The following ADGRA2 variants were observed in gnomAD, a reference collection of about 807,000 sequenced individuals.
ADGRA2 encodes G-protein coupled receptor 124.
Under a neutral mutation model 98.7 loss-of-function variants are expected in ADGRA2, and 61 were observed. The ratio of observed to expected loss-of-function variants is 0.62; its 90% CI spans 0.50 to 0.76. The LOEUF is 0.76. Among genes scored for constraint, ADGRA2 ranks in the 30% least tolerant of loss-of-function variants. ADGRA2 has a pLI of 0.00. For synonymous variants in ADGRA2, 858 were observed against 831.5 expected (o/e 1.03, Z -0.55); for missense variants, 1,712 against 1,860.0 (o/e 0.92, Z 1.46).
At chr8:37,836,847 G>A (rs527976443) in intron 13 of ADGRA2, among the ~76,000 whole-genome samples, 6 of 152,284 alleles carry the variant, frequency 3.9e-5, no homozygotes, top group Non-Finnish European at 8.8e-5. Flanking sequence ...CCACCCCACC[G>A]TGGGTTCCAT....
At chr8:37,811,474 C>CT (rs34759771) in intron 1 of ADGRA2, among the ~76,000 whole-genome samples, 8,177 of 112,160 alleles carry the variant, frequency 0.073, 425 homozygotes, top group Non-Finnish European at 0.11. Context: ...ACCCAGCCAA[C>CT]TTTTTTTTTT....
In ADGRA2 at chr8:37,839,102, G is replaced by A. The variant is rs754713748; in HGVS notation, c.2387+19G>A. On this transcript the variant is annotated intron_variant, in intron 15 of 18. Coordinates refer to ENST00000412232, the MANE Select transcript of ADGRA2 (RefSeq NM_032777.10). Reference sequence around the variant, plus strand: ...ACCACAGGTGGGTGCTCCTGCAGGAGGGAGGGCGTGGTGGGCAGGCATGGA... The same window carrying A: ...ACCACAGGTGGGTGCTCCTGCAGGAAGGAGGGCGTGGTGGGCAGGCATGGA... 5 of 1,606,568 alleles carry A rather than the reference G, an allele frequency of 3.1e-6. No individual in the cohort carries two copies. The highest frequency in any genetic ancestry group is 4.2e-6 in the Non-Finnish European group (5 of 1,176,482).
rs1805908465 is a variant in ADGRA2 at position 37,844,377 on chromosome 8, C to T, written c.*2022C>T. 1.1e-5 allele frequency: 15 copies of T among 1,411,350 alleles called. No individual in the cohort carries two copies. Among genetic ancestry groups the T allele is most frequent in the Non-Finnish European group, 1.4e-5 (14 of 1,032,974 alleles). 87.4% of individuals were successfully genotyped at this position (1,411,350 alleles called of 1,614,324 possible). On this transcript the variant is annotated 3_prime_UTR_variant, in exon 19 of 19. Coordinates refer to ENST00000412232, the MANE Select transcript of ADGRA2 (RefSeq NM_032777.10). ...ACTAATGGCAGAGCCCCTCTTGGTT[C>T]CTTCAAACAAGAAAAGCAATACCTA...
intron 1 of ADGRA2, among the ~76,000 whole-genome samples, chr8:37,813,911 C>CT (rs1477393928): frequency 6.6e-6 from 1 of 152,218 alleles, no homozygotes; most frequent in East Asian, 1.9e-4. Flanking sequence ...TTCCCCCTCC[C>CT]TTCCAGTCCA....
intron 2 of ADGRA2, among the ~76,000 whole-genome samples, chr8:37,816,927 AACACACAC>A (rs3050620): frequency 5.4e-3 from 715 of 131,980 alleles, no homozygotes; most frequent in African/African-American, 9.0e-3. Flanking sequence ...AAGAAAGCAA[AACACACAC>A]ACACACACAC....
chr8:37,839,382 C>T, intron 15 of ADGRA2, 117 bp from the exon 16 acceptor site: 1 of 1,508,272 alleles, frequency 6.6e-7, no homozygotes, highest in Non-Finnish European at 8.9e-7. Flanking sequence ...GTCACATTCC[C>T]AACCATTCAC....
rs1805746721 is a variant in ADGRA2 at position 37,840,171 on chromosome 8, C to T, written c.2562C>T (p.Gly854=). 5 of 1,611,052 alleles carry T rather than the reference C, an allele frequency of 3.1e-6. No homozygotes were observed. Among genetic ancestry groups the T allele is most frequent in the East Asian group, 2.2e-5 (1 of 44,874 alleles). ...CCCTATCCACGCTGCTCTGGATGGG[C>T]GTGAAGGCGCGAGTGCTCCATAAGG... ...YSSLSTLLWM[G]VKARVLHKEL... Residue 854 remains glycine, a synonymous_variant, in exon 17 of 19, where the codon GGC becomes GGT. Coordinates refer to ENST00000412232, the MANE Select transcript of ADGRA2 (RefSeq NM_032777.10).
rs377296938 is a variant in ADGRA2 at position 37,833,638 on chromosome 8, G to T, written c.1297-50G>T. The T allele has an allele frequency of 1.9e-5, 30 of 1,599,066 alleles. No individual in the cohort carries two copies. In the African/African-American group the frequency reaches 3.5e-4, roughly 19 times the overall value. ...GCAGAGGGTCCCCAGGGGCAGTTCG[G>T]GGGCAGAAGGAACAGGCGAGATGAT... On this transcript the variant is annotated intron_variant, in intron 9 of 18. Transcript: ENST00000412232.
At chr8:37,816,926 A>AC (rs1431887391) in intron 2 of ADGRA2, among the ~76,000 whole-genome samples, 18 of 127,468 alleles carry the variant, frequency 1.4e-4, no homozygotes, top group African/African-American at 5.5e-4. Flanking sequence ...AAAGAAAGCA[A>AC]AACACACACA....
At position 37,840,856 on chromosome 8, in the gene ADGRA2, A is replaced by ACGCCC; in HGVS notation, c.2747+8_2747+9insGCCCC. 6.7e-7 allele frequency: 1 copy of ACGCCC among 1,483,342 alleles called. No homozygotes were observed. The highest frequency in any genetic ancestry group is 1.4e-5 in the African/African-American group (1 of 71,386). 91.9% of individuals were successfully genotyped at this position (1,483,342 alleles called of 1,614,324 possible). The stretch of plus-strand genomic sequence containing the variant: ...ACCGGGACCACAGCCCCTAGTGAGC[A>ACGCCC]CCCCTCCCTCCCGCCCCAAGCCTAC... On this transcript the variant is annotated splice_region_variant and intron_variant, in intron 18 of 18. Transcript: ENST00000412232.
At chr8:37,827,346 G>A (rs1386771691) in intron 2 of ADGRA2, among the ~76,000 whole-genome samples, 3 of 152,248 alleles carry the variant, frequency 2.0e-5, no homozygotes, top group Non-Finnish European at 4.4e-5. Context: ...CCTGCCCCAA[G>A]AGCCCAGGGG....
In ADGRA2 at chr8:37,839,017, A is replaced by G; in HGVS notation, c.2321A>G (p.Tyr774Cys). 6.2e-7 allele frequency: 1 copy of G among 1,602,440 alleles called. No individual in the cohort carries two copies. The highest frequency in any genetic ancestry group is 8.5e-7 in the Non-Finnish European group (1 of 1,174,118). The change falls in exon 15 of 19, where the codon TAC (tyrosine) becomes TGC (cysteine). Residue 774 changes from tyrosine to cysteine, a missense_variant. Coordinates refer to ENST00000412232, the MANE Select transcript of ADGRA2 (RefSeq NM_032777.10). ...GAGAGLHPVV[Y>C]PCTALLLLCL... ...GGGGCAGGGCTGCACCCCGTGGTAT[A>G]CCCCTGCACGGCCTTGCTGCTGCTC...
chr8:37,825,064 G>C (rs1805229480), intron 2 of ADGRA2, among the ~76,000 whole-genome samples: 3 of 152,284 alleles, frequency 2.0e-5, no homozygotes, highest in South Asian at 2.1e-4. Context: ...GATACAGGGA[G>C]GGGGTGGCCT....
chr8:37,828,417 G>C (rs1405454357), intron 2 of ADGRA2, among the ~76,000 whole-genome samples: 2 of 150,220 alleles, frequency 1.3e-5, no homozygotes, highest in African/African-American at 2.4e-5. Flanking sequence ...TCCTCTCTCT[G>C]TTCTGACCAG....
chr8:37,839,473 A>G (rs1404140244), intron 15 of ADGRA2, 26 bp from the exon 16 acceptor site: 2 of 1,613,636 alleles, frequency 1.2e-6, no homozygotes, highest in East Asian at 2.2e-5. Flanking sequence ...TTGGACGGCC[A>G]TTAATTCGAG....
rs1003614459 is a variant in ADGRA2, at chr8:37,831,359, G to A, written c.933-64G>A. ...GCAGCTAGTGTTGTAGGACGGTGCT[G>A]AGGGAGGGCAACGTGGCTGGGCCCA... is the stretch of plus-strand genomic sequence containing the variant. On this transcript the variant is annotated intron_variant, in intron 7 of 18. Transcript: ENST00000412232. 14 of 1,520,280 alleles carry A rather than the reference G, an allele frequency of 9.2e-6. No homozygotes were observed. In the Admixed American group the frequency reaches 2.4e-4, roughly 26 times the overall value. 94.2% of individuals were successfully genotyped at this position (1,520,280 alleles called of 1,614,324 possible). A position where few individuals can be genotyped will look rare whatever the true frequency, so the allele number is the denominator to read the frequency against.
chr8:37,806,123 A>C (rs1689681466), intron 1 of ADGRA2, among the ~76,000 whole-genome samples: 1 of 152,158 alleles, frequency 6.6e-6, no homozygotes, highest in Non-Finnish European at 1.5e-5. Flanking sequence ...CAGCCTCCAC[A>C]AATCAGGGGG....
Position 37,844,330 on chromosome 8 carries a change from T to C in ADGRA2, c.*1975T>C, listed in dbSNP as rs529542998. The stretch of plus-strand genomic sequence containing the variant: ...TATAGTCATCCCTGCACTCCTGACT[T>C]TACTCCAGGACCCAGGGTCCAACTA... On this transcript the variant is annotated 3_prime_UTR_variant, in exon 19 of 19. Coordinates refer to ENST00000412232, the MANE Select transcript of ADGRA2 (RefSeq NM_032777.10). 5.8e-5 allele frequency: 51 copies of C among 872,688 alleles called. No individual in the cohort carries two copies. In the South Asian group the frequency reaches 8.4e-4, roughly 14 times the overall value. 54.1% of individuals were successfully genotyped at this position (872,688 alleles called of 1,614,324 possible). A position where few individuals can be genotyped will look rare whatever the true frequency, so the allele number is the denominator to read the frequency against.
At position 37,835,659 on chromosome 8, in the gene ADGRA2, G is replaced by A. The variant is rs151148392; in HGVS notation, c.1939G>A (p.Val647Ile). ...CCCAGACTGCACCCTGCAACTGCTC[G>A]TCTTCCGAAATGGCCGCCTCTTCCA... is the stretch of plus-strand genomic sequence containing the variant. ...VPPDCTLQLL[V>I]FRNGRLFHSH... is the part of the protein sequence containing the mutation. Residue 647 changes from valine (V) to isoleucine (I), a missense_variant, in exon 13 of 19, where the codon GTC becomes ATC. Transcript: ENST00000412232. 1,367 of 1,613,842 alleles carry A rather than the reference G, an allele frequency of 8.5e-4. 1 individual carries two copies. The highest frequency in any genetic ancestry group is 1.5e-3 in the Admixed American group (90 of 60,024).
Sources: allele counts gnomAD v4.1 joint callset (sites outside exome capture counted in the v4.1 genomes callset), GRCh38; gene constraint gnomAD v4.1.1; transcripts MANE v1.5; gene names NCBI Gene and HGNC (gene_info 2026-07-23, HGNC 2026-07-21).